Variants in MAD1L1 observed in about 807,000 individuals in gnomAD.
MAD1L1 encodes mitotic arrest deficient 1 like 1.
MAD1L1 carries 95 observed loss-of-function variants against 96.9 expected under a neutral mutation model. That is an observed-to-expected ratio of 0.98 (90% CI 0.83 to 1.16). The LOEUF is 1.16. MAD1L1 is among the 50% of genes most tolerant of loss of function. The probability of loss-of-function intolerance (pLI) is 0.00; values close to 1 mark genes in which losing one functional copy is unlikely to be tolerated. For synonymous variants in MAD1L1, 473 were observed against 396.6 expected, an observed-to-expected ratio of 1.19 and a Z score of -2.29; for missense variants, 1,007 against 954.4, an observed-to-expected ratio of 1.06 and a Z score of -0.73.
chr7:2,068,747 C>T lies in MAD1L1; in HGVS notation c.1218+447G>A, dbSNP rs189846892. On this transcript the variant is annotated intron_variant, in intron 12 of 18. Transcript: ENST00000265854. ...CCCCGCAGGCACTGAGGCTTAGAGT[C>T]GGGCCATGGAGCCACCCACAGGTGG... 4.8e-3 allele frequency among the ~76,000 whole-genome samples: 730 copies of T among 152,330 alleles called. 1 individual carries two copies. The highest frequency in any genetic ancestry group is 0.016 in the South Asian group (76 of 4,830).
At chr7:2,192,737 G>C (rs534012204) in intron 10 of MAD1L1, among the ~76,000 whole-genome samples, 3 of 152,140 alleles carry the variant, frequency 2.0e-5, no homozygotes, top group Non-Finnish European at 4.4e-5. Context: ...AAGGAAACGA[G>C]AGAAAAGGAT....
intron 18 of MAD1L1, among the ~76,000 whole-genome samples, chr7:1,895,446 A>G (rs1488501158): frequency 6.6e-6 from 1 of 152,174 alleles, no homozygotes. Context: ...TCCCCATGCC[A>G]GGCCCACCCC....
At chr7:2,077,503 G>A (rs915958548) in intron 11 of MAD1L1, among the ~76,000 whole-genome samples, 33 of 152,108 alleles carry the variant, frequency 2.2e-4, no homozygotes, top group East Asian at 1.5e-3. Context: ...CGCCCCAGTC[G>A]GGCCAAGCAA....
chr7:2,100,718 T>C (rs542266187), intron 11 of MAD1L1, among the ~76,000 whole-genome samples: 1 of 152,308 alleles, frequency 6.6e-6, no homozygotes, highest in East Asian at 1.9e-4. Context: ...TGGCCGCAAA[T>C]CATCACTTCA....
chr7:2,141,184 C>A (rs916501050), intron 11 of MAD1L1, among the ~76,000 whole-genome samples: 3 of 152,230 alleles, frequency 2.0e-5, no homozygotes, highest in African/African-American at 7.2e-5. Context: ...CAGACACCCA[C>A]CTAGAGCAGG....
Position 1,936,709 on chromosome 7 carries a change from C to T in MAD1L1, c.1785G>A (p.Leu595=), listed in dbSNP as rs1462735840. The T allele has an allele frequency of 6.4e-7, 1 of 1,557,296 alleles. No individual in the cohort carries two copies. The highest frequency in any genetic ancestry group is 1.9e-5 in the Admixed American group (1 of 52,112). Residue 595 remains leucine, a synonymous_variant, in exon 17 of 19, where the codon CTG becomes CTA. Transcript: ENST00000265854. ...PADLEAAAAS[L]PSSKEVAELK... Reference sequence around the variant, plus strand: ...TACCTGCCACCTCCTTGGACGATGGCAGACTCGCGGCGGCAGCCTCAAGGT... The same window carrying T: ...TACCTGCCACCTCCTTGGACGATGGTAGACTCGCGGCGGCAGCCTCAAGGT...
At chr7:1,888,489 C>G (rs1372915434) in intron 18 of MAD1L1, among the ~76,000 whole-genome samples, 1 of 147,702 alleles carries the variant, frequency 6.8e-6, no homozygotes, top group Non-Finnish European at 1.5e-5. Context: ...TGTGTGCATG[C>G]ATGTATGTGG....
intron 10 of MAD1L1, among the ~76,000 whole-genome samples, chr7:2,183,854 T>C (rs1442474767): frequency 6.6e-6 from 1 of 151,944 alleles, no homozygotes; most frequent in Non-Finnish European, 1.5e-5. Flanking sequence ...TATACATATG[T>C]AACAAACCTG....
intron 18 of MAD1L1, among the ~76,000 whole-genome samples, chr7:1,866,723 C>T (rs547778917): frequency 2.6e-5 from 4 of 152,176 alleles, no homozygotes; most frequent in Non-Finnish European, 1.5e-5. Flanking sequence ...CAGGGAACAT[C>T]GTGAAAACCA....
chr7:2,172,701 C>G (rs151153068), intron 10 of MAD1L1, among the ~76,000 whole-genome samples: 2 of 152,236 alleles, frequency 1.3e-5, no homozygotes, highest in African/African-American at 2.4e-5. Flanking sequence ...CACGGGTCTC[C>G]GTGGGACAGA....
intron 9 of MAD1L1, among the ~76,000 whole-genome samples, chr7:2,214,651 G>A (rs764229864): frequency 6.6e-6 from 1 of 152,210 alleles, no homozygotes; most frequent in Non-Finnish European, 1.5e-5. Flanking sequence ...AAGGACAGAG[G>A]ACCCAGGCAG....
intron 18 of MAD1L1, among the ~76,000 whole-genome samples, chr7:1,884,264 C>T (rs1355357155): frequency 2.0e-5 from 3 of 152,148 alleles, no homozygotes; most frequent in Non-Finnish European, 2.9e-5. Flanking sequence ...CACACCTGGG[C>T]GCCCAAGAGC....
At chr7:1,873,103 G>A (rs1422222892) in intron 18 of MAD1L1, among the ~76,000 whole-genome samples, 2 of 152,264 alleles carry the variant, frequency 1.3e-5, no homozygotes, top group Admixed American at 6.5e-5. Context: ...GAGGAGCGGG[G>A]AGGAGCCCCC....
At chr7:2,057,059 CG>C (rs1017531770) in intron 12 of MAD1L1, among the ~76,000 whole-genome samples, 2 of 152,228 alleles carry the variant, frequency 1.3e-5, no homozygotes, top group African/African-American at 4.8e-5. Context: ...CCCTGACACA[CG>C]AGCCCTAAAG....
At chr7:1,888,333 T>G (rs544281417) in intron 18 of MAD1L1, among the ~76,000 whole-genome samples, 380 of 129,016 alleles carry the variant, frequency 2.9e-3, no homozygotes, top group Non-Finnish European at 5.1e-3. Context: ...TGTGCATGCG[T>G]GCGGCTGCCT....
At chr7:2,008,829 C>T (rs1430855460) in intron 13 of MAD1L1, among the ~76,000 whole-genome samples, 6 of 113,226 alleles carry the variant, frequency 5.3e-5, no homozygotes, top group Admixed American at 2.6e-4. Context: ...ACGCAGGAAG[C>T]TCAGGTGGGA....
intron 12 of MAD1L1, among the ~76,000 whole-genome samples, chr7:2,018,538 C>T (rs1782644429): frequency 6.6e-6 from 1 of 152,218 alleles, no homozygotes; most frequent in Admixed American, 6.5e-5. Context: ...AGGCGCCCAG[C>T]ACTCCCTAAG....
intron 17 of MAD1L1, among the ~76,000 whole-genome samples, chr7:1,911,654 G>T (rs895176905): frequency 2.0e-4 from 31 of 152,064 alleles, no homozygotes; most frequent in Non-Finnish European, 3.7e-4. Context: ...CCCCTCTTGG[G>T]CATCCCAACC....
At chr7:1,927,254 G>A (rs1261484784) in intron 17 of MAD1L1, among the ~76,000 whole-genome samples, 2 of 152,218 alleles carry the variant, frequency 1.3e-5, no homozygotes, top group Non-Finnish European at 2.9e-5. Context: ...TAAATGGAGA[G>A]CTACATTGTG....
Sources: gnomAD v4.1 joint callset for allele counts (sites outside exome capture counted in the v4.1 genomes callset) on GRCh38, gnomAD v4.1.1 for gene constraint, MANE v1.5 for transcripts, NCBI Gene and HGNC (gene_info 2026-07-23, HGNC 2026-07-21) for gene names.